Variants in MBNL2 observed in about 807,000 individuals in gnomAD.
MBNL2 encodes muscleblind-like protein 2.
In MBNL2, 17 loss-of-function variants were observed where a neutral mutation model predicts 41.9. The ratio of observed to expected loss-of-function variants is 0.41; its 90% CI spans 0.28 to 0.61. The LOEUF is 0.61. Ranked by LOEUF, MBNL2 falls within the 20% of genes least tolerant of loss-of-function variation. MBNL2 has a pLI of 0.35. For synonymous variants in MBNL2, 195 were observed against 182.9 expected, an observed-to-expected ratio of 1.07 and a Z score of -0.53; for missense variants, 336 against 505.6, an observed-to-expected ratio of 0.66 and a Z score of 3.22.
At chr13:97,259,315 T>C (rs1281990443) in intron 1 of MBNL2, among the ~76,000 whole-genome samples, 1 of 152,132 alleles carries the variant, frequency 6.6e-6, no homozygotes, top group Non-Finnish European at 1.5e-5. Flanking sequence ...GAATAAAACC[T>C]CTGGGGCACC....
chr13:97,390,242 T>C (rs1041040139), intron 8 of MBNL2, among the ~76,000 whole-genome samples: 1 of 152,194 alleles, frequency 6.6e-6, no homozygotes, highest in African/African-American at 2.4e-5. Context: ...GAGGAACATA[T>C]ACTAAAATTG....
the MBNL2 span, among the ~76,000 whole-genome samples, chr13:97,189,571 T>C: frequency 1.3e-3 from 191 of 152,370 alleles, 2 homozygotes; most frequent in Middle Eastern, 0.017. Flanking sequence ...CATATACATA[T>C]ATGTATGTGT....
At chr13:97,277,452 G>A (rs2052394814) in intron 2 of MBNL2, among the ~76,000 whole-genome samples, 1 of 152,116 alleles carries the variant, frequency 6.6e-6, no homozygotes, top group African/African-American at 2.4e-5. Context: ...AGAAATTATA[G>A]AGCTGTTAGT....
chr13:97,166,833 T>TAGAAAGAA, the MBNL2 span, among the ~76,000 whole-genome samples: 466 of 110,724 alleles, frequency 4.2e-3, 3 homozygotes, highest in African/African-American at 0.014. Context: ...GATAGATAGA[T>TAGAAAGAA]AGATAGAAAG....
intron 2 of MBNL2, among the ~76,000 whole-genome samples, chr13:97,298,532 C>T (rs2057298621): frequency 6.6e-6 from 1 of 152,220 alleles, no homozygotes; most frequent in Non-Finnish European, 1.5e-5. Flanking sequence ...CAAAATCACA[C>T]AATAGCTGGG....
chr13:97,184,919 CT>C, the MBNL2 span, among the ~76,000 whole-genome samples: 1 of 151,958 alleles, frequency 6.6e-6, no homozygotes, highest in Admixed American at 6.5e-5. Flanking sequence ...TTTTTTTTTA[CT>C]GTAGAATGCT....
At chr13:97,178,685 C>T in the MBNL2 span, among the ~76,000 whole-genome samples, 1 of 152,128 alleles carries the variant, frequency 6.6e-6, no homozygotes, top group Admixed American at 6.5e-5. Flanking sequence ...CACTTGAGCC[C>T]AGGAGTTCAA....
Position 97,343,132 on chromosome 13 carries a change from G to C in MBNL2, c.456G>C (p.Thr152=), listed in dbSNP as rs35116734. 1.2e-6 allele frequency: 2 copies of C among 1,613,862 alleles called. No homozygotes were observed. The highest frequency in any genetic ancestry group is 2.7e-5 in the African/African-American group (2 of 74,842). ...GLVPTEILPT[T]PVIVPGSPPV... Reference sequence around the variant, plus strand: ...TCCCAACGGAAATTCTGCCCACCACGCCTGTTATTGTTCCCGGAAGTCCAC... The same window carrying C: ...TCCCAACGGAAATTCTGCCCACCACCCCTGTTATTGTTCCCGGAAGTCCAC... Residue 152 remains threonine, a synonymous_variant, in exon 4 of 9, where the codon ACG becomes ACC. Transcript: ENST00000679496.
At position 97,392,919 on chromosome 13, in the gene MBNL2, A is replaced by C. The variant is rs1306122868; in HGVS notation, c.*1470A>C. ...TTGAGATTGAATGTAAAATATTTTA[A>C]ATTTGGGATCATCGCCTGTTCTGAA... On this transcript the variant is annotated 3_prime_UTR_variant, in exon 9 of 9. Coordinates refer to ENST00000679496, the MANE Select transcript of MBNL2 (RefSeq NM_001382683.1). 6.6e-6 allele frequency: 1 copy of C among 152,490 alleles called. No individual in the cohort carries two copies. Among genetic ancestry groups the C allele is most frequent in the Non-Finnish European group, 1.5e-5 (1 of 67,950 alleles). The allele number at this position is 152,490 out of a possible 1,614,324, so 9.4% of individuals were successfully genotyped here.
chr13:97,374,354 A>G (rs2064752754), intron 8 of MBNL2, among the ~76,000 whole-genome samples: 1 of 149,028 alleles, frequency 6.7e-6, no homozygotes, highest in Admixed American at 6.7e-5. Context: ...TCACCGTGTT[A>G]GCCAGGATGG....
intron 1 of MBNL2, among the ~76,000 whole-genome samples, chr13:97,248,980 A>C (rs1238915098): frequency 1.3e-5 from 2 of 152,236 alleles, no homozygotes; most frequent in African/African-American, 2.4e-5. Context: ...TTTTCTTAAA[A>C]GTGGCCACCC....
At chr13:97,378,130 A>T (rs2065121993) in intron 8 of MBNL2, among the ~76,000 whole-genome samples, 1 of 152,254 alleles carries the variant, frequency 6.6e-6, no homozygotes, top group Admixed American at 6.5e-5. Flanking sequence ...AAATGAAAAT[A>T]ATTGAAATAT....
intron 2 of MBNL2, among the ~76,000 whole-genome samples, chr13:97,290,353 G>C (rs1351626019): frequency 6.6e-6 from 1 of 152,104 alleles, no homozygotes; most frequent in Non-Finnish European, 1.5e-5. Flanking sequence ...TTTCATTCTA[G>C]TGGGAAGTGA....
the MBNL2 span, among the ~76,000 whole-genome samples, chr13:97,215,367 C>A: frequency 6.6e-6 from 1 of 152,174 alleles, no homozygotes; most frequent in Non-Finnish European, 1.5e-5. Flanking sequence ...GGAAATACAG[C>A]AATATTCATC....
chr13:97,166,538 G>T, the MBNL2 span, among the ~76,000 whole-genome samples: 2 of 152,098 alleles, frequency 1.3e-5, no homozygotes, highest in Non-Finnish European at 2.9e-5. Flanking sequence ...ATCTGGGTGG[G>T]CACCATCTAA....
At chr13:97,309,761 G>A (rs897133186) in intron 2 of MBNL2, among the ~76,000 whole-genome samples, 2 of 152,188 alleles carry the variant, frequency 1.3e-5, no homozygotes, top group African/African-American at 2.4e-5. Flanking sequence ...ATATCATAGC[G>A]AGAGATGCTT....
chr13:97,155,030 C>T, the MBNL2 span, among the ~76,000 whole-genome samples: 1 of 152,136 alleles, frequency 6.6e-6, no homozygotes, highest in African/African-American at 2.4e-5. Flanking sequence ...GTAATCGTCC[C>T]TTCAACTGTG....
the MBNL2 span, among the ~76,000 whole-genome samples, chr13:97,161,682 A>G: frequency 1.3e-5 from 2 of 152,338 alleles, no homozygotes; most frequent in African/African-American, 4.8e-5. Flanking sequence ...CTAGATGATC[A>G]TGAATTATAT....
intron 8 of MBNL2, among the ~76,000 whole-genome samples, chr13:97,376,594 A>C (rs968370134): frequency 2.0e-5 from 3 of 152,192 alleles, no homozygotes; most frequent in Non-Finnish European, 4.4e-5. Flanking sequence ...AAGATCTCAG[A>C]GCACATGTCA....
Sources: allele counts gnomAD v4.1 joint callset (sites outside exome capture counted in the v4.1 genomes callset), GRCh38; gene constraint gnomAD v4.1.1; transcripts MANE v1.5; gene names NCBI Gene and HGNC (gene_info 2026-07-23, HGNC 2026-07-21).